ANKS4B: variants seen among roughly 807,000 people sequenced by gnomAD.
ANKS4B encodes ankyrin repeat and sterile alpha motif domain containing 4B.
Under a neutral mutation model 20.2 loss-of-function variants are expected in ANKS4B, and 21 were observed. The observed-to-expected ratio is 1.04, with a 90% CI of 0.74 to 1.50. ANKS4B has a LOEUF of 1.50. Ranked by LOEUF, ANKS4B falls within the 40% of genes most tolerant of loss-of-function variation. The probability of loss-of-function intolerance (pLI) is 0.00; values close to 1 mark genes in which losing one functional copy is unlikely to be tolerated. For synonymous variants in ANKS4B, 179 were observed against 194.5 expected (o/e 0.92, Z 0.66); for missense variants, 473 against 494.6 (o/e 0.96, Z 0.41).
Position 21,243,229 on chromosome 16 carries a change from CAA to C in ANKS4B, c.165-6500_165-6499del, listed in dbSNP as rs373209609. Among the ~76,000 whole-genome samples the C allele has an allele frequency of 1.4e-4, 22 of 152,166 alleles. No homozygotes were observed. The East Asian group carries it at 3.1e-3, about 21-fold the overall frequency. Reference sequence around the variant, plus strand: ...TAAGCCAGCTTTAAAAACTATTGCCCAAATGCACTGATCTACCAAAAATCAAG... The same window carrying C: ...TAAGCCAGCTTTAAAAACTATTGCCCATGCACTGATCTACCAAAAATCAAG... On this transcript the variant is annotated intron_variant, in intron 1 of 1. Transcript: ENST00000311620.
intron 1 of ANKS4B, among the ~76,000 whole-genome samples, chr16:21,248,623 G>T (rs1455728309): frequency 1.3e-5 from 2 of 151,848 alleles, no homozygotes; most frequent in African/African-American, 2.4e-5. Context: ...CCAGCTACTC[G>T]GGAGGCTGAG....
rs1433914462 is a variant in ANKS4B, at chr16:21,253,610, A to T, written c.*2790A>T. 6.6e-6 allele frequency: 1 copy of T among 152,194 alleles called. No individual in the cohort carries two copies. The highest frequency in any genetic ancestry group is 1.5e-5 in the Non-Finnish European group (1 of 68,044). The allele number at this position is 152,194 out of a possible 1,614,324, so 9.4% of individuals were successfully genotyped here. A position where few individuals can be genotyped will look rare whatever the true frequency, so the allele number is the denominator to read the frequency against. Reference sequence around the variant, plus strand: ...CCACCCCCTGCTGTAACTACATCATAGCAAGAGAGCCATCACTCAGGTTGG... The same window carrying T: ...CCACCCCCTGCTGTAACTACATCATTGCAAGAGAGCCATCACTCAGGTTGG... On this transcript the variant is annotated 3_prime_UTR_variant, in exon 2 of 2. Transcript: ENST00000311620.
At position 21,233,783 on chromosome 16, in the gene ANKS4B, C is replaced by G. The variant is rs377154441; in HGVS notation, c.46C>G (p.Leu16Val). Residue 16 changes from leucine (L) to valine (V), a missense_variant, in exon 1 of 2, where the codon CTT (leucine) becomes GTT (valine). Physicochemically the swap from Leu to Val is conservative, Grantham distance 32. Transcript: ENST00000311620. ...HQAASDSYLE[L>V]LKEATKRDLN... ...AGCTGCTAGTGATAGTTACCTGGAA[C>G]TTCTAAAAGAGGCTACCAAGCGAGA... The G allele has an allele frequency of 1.9e-6, 3 of 1,613,944 alleles. No individual in the cohort carries two copies. In the African/African-American group the frequency reaches 4.0e-5, roughly 22 times the overall value.
intron 1 of ANKS4B, among the ~76,000 whole-genome samples, chr16:21,249,201 C>G (rs886454693): frequency 5.9e-5 from 9 of 152,196 alleles, no homozygotes; most frequent in Admixed American, 1.3e-4. Context: ...AAAGGAGACA[C>G]AGCCAGGCAC....
At chr16:21,247,152 G>A (rs1017998881) in intron 1 of ANKS4B, among the ~76,000 whole-genome samples, 1 of 148,690 alleles carries the variant, frequency 6.7e-6, no homozygotes, top group African/African-American at 2.5e-5. Context: ...TGCAACCTCC[G>A]CCTCCGGGGT....
At position 21,233,841 on chromosome 16, in the gene ANKS4B, C is replaced by T. The variant is rs1402868669; in HGVS notation, c.104C>T (p.Pro35Leu). 1.9e-6 allele frequency: 3 copies of T among 1,613,884 alleles called. No homozygotes were observed. Among genetic ancestry groups the T allele is most frequent in the South Asian group, 1.1e-5 (1 of 90,984 alleles). The change falls in exon 1 of 2, where the codon CCT becomes CTT. Residue 35 changes from proline to leucine, a missense_variant. By Grantham distance (98) the Pro-to-Leu change is moderately conservative (BLOSUM62 -3). Transcript: ENST00000311620. Reference sequence around the variant, plus strand: ...CTTTCGGATGAAGACGGCATGACTCCTACTCTCTTGGCAGCCTACCATGGG... The same window carrying T: ...CTTTCGGATGAAGACGGCATGACTCTTACTCTCTTGGCAGCCTACCATGGG... The part of the protein sequence containing the change: ...LNLSDEDGMT[P>L]TLLAAYHGNL...
At chr16:21,236,744 T>A (rs1014301375) in intron 1 of ANKS4B, among the ~76,000 whole-genome samples, 25 of 152,026 alleles carry the variant, frequency 1.6e-4, no homozygotes, top group African/African-American at 5.8e-4. Flanking sequence ...AAAAGTAACA[T>A]GAGCTGAACC....
At position 21,250,805 on chromosome 16, in the gene ANKS4B, C is replaced by T. The variant is rs74405183; in HGVS notation, c.1239C>T (p.Val413=). ...KQVLQQPGQL[V]DTSL is the part of the protein sequence containing the mutation. ...TGCTTCAACAGCCTGGGCAGCTGGT[C>T]GACACCAGCCTGTGATGGAGAGTTT... The change falls in exon 2 of 2, where the codon GTC becomes GTT. Residue 413 remains valine (V), a synonymous_variant. Transcript: ENST00000311620. 63,525 of 1,591,098 alleles carry T rather than the reference C, an allele frequency of 0.04. 1,589 individuals are homozygous for T. The highest frequency in any genetic ancestry group is 0.049 in the Non-Finnish European group (56,664 of 1,163,342).
intron 1 of ANKS4B, among the ~76,000 whole-genome samples, chr16:21,234,519 CA>C (rs2093317853): frequency 1.3e-5 from 2 of 150,748 alleles, no homozygotes; most frequent in Non-Finnish European, 2.9e-5. Context: ...CACACACACA[CA>C]CCCCATCTCT....
chr16:21,250,838 G>A lies in ANKS4B; in HGVS notation c.*18G>A, dbSNP rs2093338566. 1.3e-6 allele frequency: 2 copies of A among 1,568,034 alleles called. No individual in the cohort carries two copies. The highest frequency in any genetic ancestry group is 1.2e-5 in the South Asian group (1 of 85,194). Reference sequence around the variant, plus strand: ...GCCTGTGATGGAGAGTTTTGGCCTGGAGCATTGGGGTGATGCTGTGGCCCG... The same window carrying A: ...GCCTGTGATGGAGAGTTTTGGCCTGAAGCATTGGGGTGATGCTGTGGCCCG... On this transcript the variant is annotated 3_prime_UTR_variant, in exon 2 of 2. Transcript: ENST00000311620.
intron 1 of ANKS4B, among the ~76,000 whole-genome samples, chr16:21,244,722 AG>A (rs1313400462): frequency 6.6e-6 from 1 of 152,126 alleles, no homozygotes; most frequent in Non-Finnish European, 1.5e-5. Flanking sequence ...CCACATGTTT[AG>A]GGGGGAGACA....
Position 21,250,363 on chromosome 16 carries a change from T to G in ANKS4B, c.797T>G (p.Leu266Arg). 2 of 1,614,176 alleles carry G rather than the reference T, an allele frequency of 1.2e-6. No individual in the cohort carries two copies. Among genetic ancestry groups the G allele is most frequent in the Non-Finnish European group, 1.7e-6 (2 of 1,180,042 alleles). The change falls in exon 2 of 2, where the codon CTC (leucine) becomes CGC (arginine). Residue 266 changes from leucine to arginine, a missense_variant. Physicochemically the swap from Leu to Arg is moderately radical, Grantham distance 102. Transcript: ENST00000311620. Reference sequence around the variant, plus strand: ...GGCAGTGTGCACCATGAATCCATTCTCAATCGTCCAGGTCTAGGAAGTATT... The same window carrying G: ...GGCAGTGTGCACCATGAATCCATTCGCAATCGTCCAGGTCTAGGAAGTATT... ...EDGSVHHESI[L>R]NRPGLGSIVF...
intron 1 of ANKS4B, among the ~76,000 whole-genome samples, chr16:21,235,782 A>T (rs781462265): frequency 6.6e-6 from 1 of 152,172 alleles, no homozygotes; most frequent in Non-Finnish European, 1.5e-5. Flanking sequence ...AGAGTTCCTG[A>T]GTTGAAGATT....
chr16:21,250,954 G>A lies in ANKS4B; in HGVS notation c.*134G>A. On this transcript the variant is annotated 3_prime_UTR_variant, in exon 2 of 2. Coordinates refer to ENST00000311620, the MANE Select transcript of ANKS4B (RefSeq NM_145865.3). ...GCATCGGAAATGCCTACCTGAGAGA[G>A]AGACCCAAACTTTACTCTGGGAGGT... is the stretch of plus-strand genomic sequence containing the variant. 1 of 1,310,758 alleles carries A rather than the reference G, an allele frequency of 7.6e-7. No homozygotes were observed. The highest frequency in any genetic ancestry group is 1.5e-5 in the African/African-American group (1 of 68,020). The allele number at this position is 1,310,758 out of a possible 1,614,324, so 81.2% of individuals were successfully genotyped here. A position where few individuals can be genotyped will look rare whatever the true frequency, so the allele number is the denominator to read the frequency against.
In ANKS4B at chr16:21,250,609, TG is replaced by T. The variant is rs753459927; in HGVS notation, c.1045del (p.Glu349LysfsTer23). ...WEEDVVDATP[L>X]EVFLLSQHLE... Reference sequence around the variant, plus strand: ...GAAGATGTGGTCGATGCCACGCCCCTGGAAGTGTTCTTGCTGTCTCAGCACC... The same window carrying T: ...GAAGATGTGGTCGATGCCACGCCCCTGAAGTGTTCTTGCTGTCTCAGCACC... On this transcript the variant is annotated frameshift_variant, in exon 2 of 2. Coordinates refer to ENST00000311620, the MANE Select transcript of ANKS4B (RefSeq NM_145865.3). LOFTEE classifies it high-confidence loss of function. The T allele has an allele frequency of 6.2e-7, 1 of 1,614,088 alleles. No homozygotes were observed. Among genetic ancestry groups the T allele is most frequent in the Non-Finnish European group, 8.5e-7 (1 of 1,179,986 alleles).
chr16:21,238,802 G>A lies in ANKS4B; in HGVS notation c.164+4901G>A, dbSNP rs188266012. Reference sequence around the variant, plus strand: ...TTAATATTTATTAAACACTGGCTATGGGTGCAAATATTCTTCTAACCTTGT... The same window carrying A: ...TTAATATTTATTAAACACTGGCTATAGGTGCAAATATTCTTCTAACCTTGT... On this transcript the variant is annotated intron_variant, in intron 1 of 1. Coordinates refer to ENST00000311620, the MANE Select transcript of ANKS4B (RefSeq NM_145865.3). 1.6e-4 allele frequency: 25 copies of A among 152,252 alleles called. No homozygotes were observed. In the East Asian group the frequency reaches 3.3e-3, roughly 20 times the overall value. The allele number at this position is 152,252 out of a possible 1,614,324, so 9.4% of individuals were successfully genotyped here.
chr16:21,249,825 T>C lies in ANKS4B; in HGVS notation c.259T>C (p.Phe87Leu), dbSNP rs922185948. Residue 87 changes from phenylalanine (F) to leucine (L), a missense_variant, in exon 2 of 2, where the codon TTT (phenylalanine) becomes CTT (leucine). By Grantham distance (22) the Phe-to-Leu change is conservative (BLOSUM62 0). Transcript: ENST00000311620. Reference sequence around the variant, plus strand: ...CCACTGCGTCTCATTCCTGGTCAACTTTGGTGCCAACATCTTTGCCCTGGA... The same window carrying C: ...CCACTGCGTCTCATTCCTGGTCAACCTTGGTGCCAACATCTTTGCCCTGGA... ...HAHCVSFLVN[F>L]GANIFALDND... 1 of 1,614,176 alleles carries C rather than the reference T, an allele frequency of 6.2e-7. No homozygotes were observed. The highest frequency in any genetic ancestry group is 1.7e-5 in the Admixed American group (1 of 60,022).
In ANKS4B at chr16:21,252,902, T is replaced by A. The variant is rs1292947039; in HGVS notation, c.*2082T>A. 6.6e-6 allele frequency: 1 copy of A among 151,384 alleles called. No homozygotes were observed. The highest frequency in any genetic ancestry group is 1.5e-5 in the Non-Finnish European group (1 of 68,034). 9.4% of individuals were successfully genotyped at this position (151,384 alleles called of 1,614,324 possible). ...AGCCAGGTGTGGTGGCGTGTGCCTG[T>A]AATCCCAGCTACTTGGGAGGCTGAG... On this transcript the variant is annotated 3_prime_UTR_variant, in exon 2 of 2. Coordinates refer to ENST00000311620, the MANE Select transcript of ANKS4B (RefSeq NM_145865.3).
chr16:21,249,254 C>T lies in ANKS4B; in HGVS notation c.165-477C>T, dbSNP rs368733214. 1.6e-4 allele frequency among the ~76,000 whole-genome samples: 24 copies of T among 152,306 alleles called. No homozygotes were observed. The East Asian group carries it at 3.1e-3, about 20-fold the overall frequency. On this transcript the variant is annotated intron_variant, in intron 1 of 1. Coordinates refer to ENST00000311620, the MANE Select transcript of ANKS4B (RefSeq NM_145865.3). ...ATCCCAACAATTTGGGACGCCAAGG[C>T]AAGCAGATGGCTTGAGGCCAGGAGT...
Sources: allele counts gnomAD v4.1 joint callset (sites outside exome capture counted in the v4.1 genomes callset), GRCh38; gene constraint gnomAD v4.1.1; transcripts MANE v1.5; gene names NCBI Gene and HGNC (gene_info 2026-07-23, HGNC 2026-07-21).